P2RY8: variants seen among roughly 807,000 people sequenced by gnomAD.
P2RY8 encodes P2Y receptor family member 8.
In P2RY8, 6 loss-of-function variants were observed where a neutral mutation model predicts 10.0. That is an observed-to-expected ratio of 0.60 (90% confidence interval 0.33 to 1.19). The LOEUF is 1.19. Among genes scored for constraint, P2RY8 ranks in the 50% most tolerant of loss-of-function variants. P2RY8 has a pLI of 0.04. For missense variants in P2RY8, 456 were observed against 542.0 expected (o/e 0.84, Z 1.58); for synonymous variants, 276 against 252.5 (o/e 1.09, Z -0.88).
intron 1 of P2RY8, among the ~76,000 whole-genome samples, chrX:1,521,215 A>AT (rs2092388874): frequency 6.6e-6 from 1 of 151,488 alleles, no homozygotes; most frequent in South Asian, 2.1e-4. Flanking sequence ...CGTCCAGCTA[A>AT]TTTTTGTATT....
intron 1 of P2RY8, among the ~76,000 whole-genome samples, chrX:1,493,873 A>G (rs1344757504): frequency 1.3e-5 from 2 of 152,098 alleles, no homozygotes; most frequent in Non-Finnish European, 2.9e-5. Flanking sequence ...GCGACCCTCG[A>G]GAGCTTGTGC....
At chrX:1,513,949 C>T (rs1315360875) in intron 1 of P2RY8, among the ~76,000 whole-genome samples, 1 of 152,196 alleles carries the variant, frequency 6.6e-6, no homozygotes, top group East Asian at 1.9e-4. Flanking sequence ...GATCTCATCC[C>T]AAACCCTTAA....
intron 1 of P2RY8, among the ~76,000 whole-genome samples, chrX:1,501,669 C>T (rs774968857): frequency 6.6e-6 from 1 of 152,276 alleles, no homozygotes; most frequent in Non-Finnish European, 1.5e-5. Flanking sequence ...TCTTGGCTCA[C>T]TGCAACCTCC....
intron 1 of P2RY8, among the ~76,000 whole-genome samples, chrX:1,516,814 G>C (rs1483763848): frequency 6.6e-6 from 1 of 151,738 alleles, no homozygotes; most frequent in Non-Finnish European, 1.5e-5. Flanking sequence ...AGGACACAGG[G>C]GGAAGACGTC....
chrX:1,486,566 G>T (rs1315904500), intron 1 of P2RY8, among the ~76,000 whole-genome samples: 1 of 152,178 alleles, frequency 6.6e-6, no homozygotes, highest in African/African-American at 2.4e-5. Context: ...CTGGGGATGG[G>T]GAAACGGGGA....
In P2RY8 at chrX:1,462,766, G is replaced by A. The variant is rs1222363979; in HGVS notation, c.*2713C>T. The stretch of plus-strand genomic sequence containing the variant: ...GCCTTGATGGAGGCTGAGACTTTTT[G>A]GAATCCCTCCCTCTCTCCATGTCCT... On this transcript the variant is annotated 3_prime_UTR_variant, in exon 2 of 2. Transcript: ENST00000381297. 4.3e-6 allele frequency: 1 copy of A among 232,830 alleles called. No homozygotes were observed. Among genetic ancestry groups the A allele is most frequent in the African/African-American group, 2.2e-5 (1 of 45,270 alleles). The allele number at this position is 232,830 out of a possible 1,614,324, so 14.4% of individuals were successfully genotyped here. A position where few individuals can be genotyped will look rare whatever the true frequency, so the allele number is the denominator to read the frequency against.
intron 1 of P2RY8, among the ~76,000 whole-genome samples, chrX:1,468,444 C>G (rs1425254804): frequency 6.6e-6 from 1 of 152,182 alleles, no homozygotes; most frequent in Non-Finnish European, 1.5e-5. Context: ...GGACAGCCCC[C>G]GGGGAAGACA....
intron 1 of P2RY8, among the ~76,000 whole-genome samples, chrX:1,531,005 T>C (rs1390900104): frequency 6.6e-6 from 1 of 152,106 alleles, no homozygotes; most frequent in African/African-American, 2.4e-5. Context: ...TTTATGTATG[T>C]ATGTATATAT....
intron 1 of P2RY8, among the ~76,000 whole-genome samples, chrX:1,509,087 CTATG>C (rs1224732160): frequency 7.0e-5 from 9 of 127,866 alleles, no homozygotes; most frequent in Non-Finnish European, 1.6e-4. Context: ...ATGTATCTAT[CTATG>C]TATCTATGTA....
intron 1 of P2RY8, among the ~76,000 whole-genome samples, chrX:1,522,237 G>T (rs1219575083): frequency 6.6e-6 from 1 of 151,490 alleles, no homozygotes; most frequent in South Asian, 2.1e-4. Context: ...TGACAGGCGT[G>T]AGCCACCATG....
At chrX:1,535,708 C>CACACAG (rs1556688237) in intron 1 of P2RY8, among the ~76,000 whole-genome samples, 2,622 of 146,134 alleles carry the variant, frequency 0.018, 85 homozygotes, top group African/African-American at 0.063. Context: ...CACACACACA[C>CACACAG]ACACACAGAC....
chrX:1,480,678 A>G (rs1186773582), intron 1 of P2RY8, among the ~76,000 whole-genome samples: 1 of 151,964 alleles, frequency 6.6e-6, no homozygotes, highest in Non-Finnish European at 1.5e-5. Context: ...TCGGGGGGTG[A>G]GGGGATAGAG....
chrX:1,533,002 C>CAAAAA (rs56945483), intron 1 of P2RY8, among the ~76,000 whole-genome samples: 6 of 76,066 alleles, frequency 7.9e-5, no homozygotes, highest in African/African-American at 1.1e-4. Flanking sequence ...AACTCTGTCT[C>CAAAAA]AAAAAAAAAA....
chrX:1,470,669 C>T (rs1365468867), intron 1 of P2RY8, among the ~76,000 whole-genome samples: 3 of 152,034 alleles, frequency 2.0e-5, no homozygotes, highest in African/African-American at 7.2e-5. Context: ...AATATGTGGT[C>T]TTTTGTGTCT....
chrX:1,486,966 G>A (rs1269620797), intron 1 of P2RY8, among the ~76,000 whole-genome samples: 1 of 152,242 alleles, frequency 6.6e-6, no homozygotes, highest in African/African-American at 2.4e-5. Flanking sequence ...CAGCCCCAGG[G>A]CCGAGCTTCC....
chrX:1,512,525 C>T (rs1442998042), intron 1 of P2RY8, among the ~76,000 whole-genome samples: 6 of 114,100 alleles, frequency 5.3e-5, no homozygotes, highest in South Asian at 2.9e-4. Context: ...CCAGCCTGGG[C>T]AACAGAGTGA....
intron 1 of P2RY8, among the ~76,000 whole-genome samples, chrX:1,482,875 T>C (rs1357403705): frequency 6.7e-6 from 1 of 149,694 alleles, no homozygotes; most frequent in East Asian, 2.0e-4. Context: ...TTCTCACTCA[T>C]AGGTGGGAAT....
intron 1 of P2RY8, among the ~76,000 whole-genome samples, chrX:1,490,686 T>C (rs2092037417): frequency 6.8e-6 from 1 of 147,698 alleles, no homozygotes; most frequent in Non-Finnish European, 1.5e-5. Context: ...GATTCACTTC[T>C]GCAAATGTAG....
intron 1 of P2RY8, among the ~76,000 whole-genome samples, chrX:1,492,223 G>A (rs1202584495): frequency 2.0e-5 from 3 of 152,088 alleles, no homozygotes; most frequent in Non-Finnish European, 4.4e-5. Context: ...TGTGGCCAAA[G>A]CCTGTCAATC....
Sources: allele counts gnomAD v4.1 joint callset (sites outside exome capture counted in the v4.1 genomes callset), GRCh38; gene constraint gnomAD v4.1.1; transcripts MANE v1.5; gene names NCBI Gene and HGNC (gene_info 2026-07-23, HGNC 2026-07-21).